The following MIS18A variants were observed in gnomAD, a reference collection of about 807,000 sequenced individuals.
MIS18A encodes the protein protein Mis18-alpha.
A neutral mutation model predicts 25.0 loss-of-function variants in MIS18A; 14 were observed. That is an observed-to-expected ratio of 0.56 (90% confidence interval 0.37 to 0.88). MIS18A has a LOEUF of 0.88. MIS18A is among the 40% of genes least tolerant of loss of function. The probability of loss-of-function intolerance (pLI) is 0.00; values close to 1 mark genes in which losing one functional copy is unlikely to be tolerated. For missense variants in MIS18A, 292 were observed against 290.8 expected (o/e 1.00, Z -0.03); for synonymous variants, 134 against 118.6 (o/e 1.13, Z -0.84).
At chr21:32,161,005 A>G in the MIS18A span, among the ~76,000 whole-genome samples, 1 of 152,166 alleles carries the variant, frequency 6.6e-6, no homozygotes, top group East Asian at 1.9e-4. Context: ...CAGTGAGCAG[A>G]GGGGTAATTT....
the MIS18A span, among the ~76,000 whole-genome samples, chr21:32,208,216 A>G: frequency 6.6e-6 from 1 of 152,160 alleles, no homozygotes; most frequent in Non-Finnish European, 1.5e-5. Flanking sequence ...TGTGAATAAC[A>G]TGGTTTGGAT....
At chr21:32,242,262 G>A in the MIS18A span, among the ~76,000 whole-genome samples, 6 of 152,228 alleles carry the variant, frequency 3.9e-5, no homozygotes, top group African/African-American at 1.4e-4. Flanking sequence ...TCAGGAGGAG[G>A]GATGATAAGG....
chr21:32,273,027 T>TG (rs2031741441), intron 2 of MIS18A, among the ~76,000 whole-genome samples: 1 of 152,182 alleles, frequency 6.6e-6, no homozygotes, highest in Non-Finnish European at 1.5e-5. Flanking sequence ...CAAATTTTTA[T>TG]GGCCTGCATG....
chr21:32,277,751 T>G (rs894962832), intron 1 of MIS18A: 1 of 152,240 alleles, frequency 6.6e-6, no homozygotes, highest in African/African-American at 2.4e-5. Flanking sequence ...CCCAAAGTGC[T>G]GGGATTACAG....
chr21:32,174,035 G>A, the MIS18A span, among the ~76,000 whole-genome samples: 1 of 139,456 alleles, frequency 7.2e-6, no homozygotes, highest in African/African-American at 2.8e-5. Context: ...CACGATCTTG[G>A]CTCACTGCAA....
rs1240796328 is a variant in MIS18A at position 32,279,039 on chromosome 21, G to C, written c.-25C>G. The C allele has an allele frequency of 1.9e-6, 3 of 1,566,766 alleles. No homozygotes were observed. The highest frequency in any genetic ancestry group is 2.3e-5 in the South Asian group (2 of 87,956). ...TTACCTACAAATCGCCCGCGCCCCA[G>C]AGCGCCATGGGAAAAAAAACCGCCG... is the stretch of plus-strand genomic sequence containing the variant. On this transcript the variant is annotated 5_prime_UTR_variant, in exon 1 of 5. Coordinates refer to ENST00000290130, the MANE Select transcript of MIS18A (RefSeq NM_018944.3).
chr21:32,229,729 T>A, the MIS18A span, among the ~76,000 whole-genome samples: 1 of 152,234 alleles, frequency 6.6e-6, no homozygotes, highest in South Asian at 2.1e-4. Flanking sequence ...GCTTTTGAAC[T>A]TCACCTTTGC....
At chr21:32,244,378 T>C in the MIS18A span, among the ~76,000 whole-genome samples, 1 of 152,080 alleles carries the variant, frequency 6.6e-6, no homozygotes, top group Non-Finnish European at 1.5e-5. Flanking sequence ...ACTCATCAAA[T>C]TGTACATTTC....
the MIS18A span, among the ~76,000 whole-genome samples, chr21:32,246,260 C>G: frequency 1.3e-5 from 2 of 152,150 alleles, no homozygotes; most frequent in Admixed American, 1.3e-4. Context: ...TACCACCACC[C>G]CTCATTTGCT....
chr21:32,232,956 G>A, the MIS18A span, among the ~76,000 whole-genome samples: 1 of 152,172 alleles, frequency 6.6e-6, no homozygotes, highest in Admixed American at 6.5e-5. Flanking sequence ...ATGGGAACCT[G>A]AAAATGATCA....
chr21:32,247,929 C>G, the MIS18A span, among the ~76,000 whole-genome samples: 1 of 152,210 alleles, frequency 6.6e-6, no homozygotes, highest in Non-Finnish European at 1.5e-5. Context: ...AGGCTGGGAG[C>G]CTGCCCCTCT....
At chr21:32,198,720 G>A in the MIS18A span, among the ~76,000 whole-genome samples, 1 of 152,360 alleles carries the variant, frequency 6.6e-6, no homozygotes, top group Non-Finnish European at 1.5e-5. Flanking sequence ...AGGGCAAAGG[G>A]GCCGAAGACC....
At chr21:32,274,189 CTTTTCTTCTTTTTTTTTTTTTTTTT>C (rs2031764971) in intron 2 of MIS18A, among the ~76,000 whole-genome samples, 1 of 142,916 alleles carries the variant, frequency 7.0e-6, no homozygotes, top group Admixed American at 7.1e-5. Flanking sequence ...TAGGTATTTC[CTTTTCTTCTTTTTTTTTTTTTTTTT>C]TTTTTTTTTT....
At chr21:32,227,818 AATCCAACAAC>A in the MIS18A span, among the ~76,000 whole-genome samples, 1 of 152,208 alleles carries the variant, frequency 6.6e-6, no homozygotes, top group Non-Finnish European at 1.5e-5. Context: ...TAGTAAACCA[AATCCAACAAC>A]ATATGAAAAG....
chr21:32,204,336 A>C, the MIS18A span, among the ~76,000 whole-genome samples: 1 of 151,968 alleles, frequency 6.6e-6, no homozygotes, highest in Non-Finnish European at 1.5e-5. Flanking sequence ...ATTGCTACTA[A>C]AACTACAAAA....
the MIS18A span, among the ~76,000 whole-genome samples, chr21:32,187,680 G>A: frequency 0.029 from 4,467 of 152,214 alleles, 127 homozygotes; most frequent in Middle Eastern, 0.1. Context: ...TGCATAATAG[G>A]ATCTGGACTC....
Position 32,269,545 on chromosome 21 carries a change from T to C in MIS18A, c.621+162A>G, listed in dbSNP as rs1053183407. The C allele has an allele frequency of 9.0e-6, 5 of 554,474 alleles. No individual in the cohort carries two copies. The African/African-American group carries it at 9.7e-5, about 11-fold the overall frequency. The allele number at this position is 554,474 out of a possible 1,614,324, so 34.3% of individuals were successfully genotyped here. Reference sequence around the variant, plus strand: ...ATTTTGTTGATTAAGCTTTAGCTTTTGAGTTCCCCAAAAATCAACTTTACT... The same window carrying C: ...ATTTTGTTGATTAAGCTTTAGCTTTCGAGTTCCCCAAAAATCAACTTTACT... On this transcript the variant is annotated intron_variant, in intron 4 of 4. Transcript: ENST00000290130.
At chr21:32,254,116 A>T in the MIS18A span, among the ~76,000 whole-genome samples, 1 of 152,178 alleles carries the variant, frequency 6.6e-6, no homozygotes, top group Admixed American at 6.5e-5. Flanking sequence ...CTGTAGTCCC[A>T]GTTACTTGGG....
chr21:32,260,083 G>GTTTTTTTTTTTTTT, the MIS18A span: 10 of 69,890 alleles, frequency 1.4e-4, no homozygotes, highest in African/African-American at 7.8e-4. Context: ...ATTTTTCTCA[G>GTTTTTTTTTTTTTT]CTTTTTTTTT....
Sources: allele counts gnomAD v4.1 joint callset (sites outside exome capture counted in the v4.1 genomes callset), GRCh38; gene constraint gnomAD v4.1.1; transcripts MANE v1.5; gene names NCBI Gene and HGNC (gene_info 2026-07-23, HGNC 2026-07-21).